Variants in ATP8B1 observed in about 807,000 individuals in gnomAD.
The protein encoded by ATP8B1 is phospholipid-transporting ATPase IC.
Under a neutral mutation model 149.9 loss-of-function variants are expected in ATP8B1, and 80 were observed. The observed-to-expected ratio is 0.53, with a 90% CI of 0.45 to 0.64. The LOEUF (loss-of-function observed/expected upper bound fraction) is 0.64, where lower values mean the gene tolerates loss of function less well. Among genes scored for constraint, ATP8B1 ranks in the 30% least tolerant of loss-of-function variants. The pLI, the probability that ATP8B1 is intolerant of heterozygous loss-of-function variation, is 0.00. For synonymous variants in ATP8B1, 536 were observed against 562.8 expected, an observed-to-expected ratio of 0.95 and a Z score of 0.67; for missense variants, 1,247 against 1,552.6, an observed-to-expected ratio of 0.80 and a Z score of 3.31.
intron 22 of ATP8B1, among the ~76,000 whole-genome samples, chr18:57,655,833 A>G (rs1057331908): frequency 6.6e-6 from 1 of 152,230 alleles, no homozygotes; most frequent in Non-Finnish European, 1.5e-5. Context: ...GGCTCCCCCA[A>G]CTTCATTCCA....
intron 16 of ATP8B1, among the ~76,000 whole-genome samples, chr18:57,671,820 CTA>C (rs1384798356): frequency 2.0e-5 from 3 of 151,846 alleles, no homozygotes; most frequent in Non-Finnish European, 4.4e-5. Context: ...GGAGGTCTCA[CTA>C]TGTTACCCAG....
intron 1 of ATP8B1, among the ~76,000 whole-genome samples, chr18:57,769,761 T>C (rs1280180581): frequency 6.6e-6 from 1 of 152,252 alleles, no homozygotes; most frequent in Non-Finnish European, 1.5e-5. Flanking sequence ...CAGCAAATAG[T>C]AGATCTGATC....
intron 2 of ATP8B1, 57 bp from the exon 3 acceptor site, chr18:57,706,644 T>G: frequency 2.2e-6 from 3 of 1,370,204 alleles, no homozygotes; most frequent in Non-Finnish European, 3.1e-6. Flanking sequence ...TGTTATGAGT[T>G]GAATTGTGTC....
chr18:57,737,560 T>TC (rs1333469451), intron 1 of ATP8B1, among the ~76,000 whole-genome samples: 1 of 40,460 alleles, frequency 2.5e-5, no homozygotes, highest in Admixed American at 4.4e-4. Flanking sequence ...GCTTTTTTTT[T>TC]CTTTCTTTTC....
chr18:57,725,602 T>C (rs1325137232), intron 2 of ATP8B1, among the ~76,000 whole-genome samples: 1 of 152,126 alleles, frequency 6.6e-6, no homozygotes, highest in Non-Finnish European at 1.5e-5. Flanking sequence ...AACAGAACTG[T>C]AGGAATCACA....
chr18:57,732,243 A>ATATG (rs2079786149), intron 1 of ATP8B1, among the ~76,000 whole-genome samples: 2 of 10,204 alleles, frequency 2.0e-4, no homozygotes, highest in African/African-American at 5.1e-4. Context: ...GTGTATATAT[A>ATATG]TGTATATATG....
chr18:57,695,441 G>C lies in ATP8B1; in HGVS notation c.781+9C>G, dbSNP rs768011784. 6.2e-7 allele frequency: 1 copy of C among 1,608,502 alleles called. No homozygotes were observed. On this transcript the variant is annotated intron_variant, in intron 9 of 27. Coordinates refer to ENST00000648908, the MANE Select transcript of ATP8B1 (RefSeq NM_001374385.1). ...ATTTAAAGCAAAGTAAGACATGTTT[G>C]GTACAAACCATCAAATGTAGCCAAT...
At position 57,691,896 on chromosome 18, in the gene ATP8B1, T is replaced by C. The variant is rs1194018304; in HGVS notation, c.1131A>G (p.Glu377=). The C allele has an allele frequency of 1.2e-6, 2 of 1,614,208 alleles. No individual in the cohort carries two copies. The highest frequency in any genetic ancestry group is 2.2e-5 in the South Asian group (2 of 91,078). Residue 377 remains glutamate, a synonymous_variant, in exon 12 of 28, where the codon GAA becomes GAG. Transcript: ENST00000648908. ...ATCCACGGTAGGAGGGTGTATCGTC[T>C]TCTCCATCATAGAGGTACCAAGAGG... ...GNSSWYLYDG[E]DDTPSYRGFL...
At chr18:57,794,886 G>A (rs977064729) in intron 1 of ATP8B1, among the ~76,000 whole-genome samples, 7 of 152,138 alleles carry the variant, frequency 4.6e-5, no homozygotes, top group Non-Finnish European at 1.0e-4. Context: ...GGCACGTGCT[G>A]CCTTCAGGTG....
intron 2 of ATP8B1, among the ~76,000 whole-genome samples, chr18:57,730,705 CTAAAATGTTTACTTGCTGGCCCTTTACA>C (rs2079754201): frequency 6.6e-6 from 1 of 152,136 alleles, no homozygotes; most frequent in African/African-American, 2.4e-5. Flanking sequence ...TCCACAAAGC[CTAAAATGTTTACTTGCTGGCCCTTTACA>C]GAAAAAGTTT....
chr18:57,760,712 C>T (rs12956603), intron 1 of ATP8B1, among the ~76,000 whole-genome samples: 121,599 of 152,170 alleles, frequency 0.8, 48,914 homozygotes, highest in South Asian at 0.88. Context: ...TGGAGTTGGC[C>T]GGGCGCAGTG....
At chr18:57,799,546 T>G (rs1444876897) in intron 1 of ATP8B1, among the ~76,000 whole-genome samples, 1 of 151,928 alleles carries the variant, frequency 6.6e-6, no homozygotes, top group African/African-American at 2.4e-5. Flanking sequence ...CCGTCTCTAC[T>G]AAAAATACAA....
intron 2 of ATP8B1, among the ~76,000 whole-genome samples, chr18:57,730,007 G>A (rs1384521275): frequency 3.3e-5 from 5 of 152,074 alleles, no homozygotes; most frequent in African/African-American, 7.2e-5. Flanking sequence ...GAAAGGTAGC[G>A]GACACACAAC....
At chr18:57,777,808 G>A (rs1283818270) in intron 1 of ATP8B1, among the ~76,000 whole-genome samples, 2 of 152,164 alleles carry the variant, frequency 1.3e-5, no homozygotes, top group African/African-American at 2.4e-5. Context: ...GGGCTCAAGC[G>A]ATCCTCCTAC....
chr18:57,745,728 C>G (rs2079958257), intron 1 of ATP8B1, among the ~76,000 whole-genome samples: 1 of 151,176 alleles, frequency 6.6e-6, no homozygotes, highest in Non-Finnish European at 1.5e-5. Context: ...ATGATCATGA[C>G]TCACTGCAGC....
At chr18:57,697,469 A>C (rs1315998530) in intron 8 of ATP8B1, 149 bp downstream of exon 8, 6 of 834,576 alleles carry the variant, frequency 7.2e-6, no homozygotes, top group Non-Finnish European at 1.2e-5. Context: ...CACTTCACAG[A>C]GGCGCAAAGG....
In ATP8B1 at chr18:57,720,484, G is replaced by T. The variant is rs1392130127; in HGVS notation, c.181+11143C>A. On this transcript the variant is annotated intron_variant, in intron 2 of 27. Transcript: ENST00000648908. ...CAGGAGCCGATGCGATCAACTGGAAGAAAGGGTATCAGCAATGGAAGATGA... is the reference window on the plus strand; with the variant it reads ...CAGGAGCCGATGCGATCAACTGGAATAAAGGGTATCAGCAATGGAAGATGA... Among the ~76,000 whole-genome samples, 4 of 101,654 alleles carry T rather than the reference G, an allele frequency of 3.9e-5. No individual in the cohort carries two copies. The East Asian group carries it at 1.0e-3, about 26-fold the overall frequency. The allele number at this position is 101,654 out of a possible 152,430, so 66.7% of individuals were successfully genotyped here.
At chr18:57,678,616 A>G in intron 15 of ATP8B1, among the ~76,000 whole-genome samples, 1 of 122,560 alleles carries the variant, frequency 8.2e-6, no homozygotes, top group African/African-American at 2.8e-5. Flanking sequence ...AAAAGAAAAG[A>G]GTGTGGTGTT....
intron 21 of ATP8B1, among the ~76,000 whole-genome samples, chr18:57,662,266 C>A (rs1910504831): frequency 6.6e-6 from 1 of 152,140 alleles, no homozygotes; most frequent in Admixed American, 6.6e-5. Flanking sequence ...TGAAAAAACC[C>A]ATTAATTAGT....
Sources: gnomAD v4.1 joint callset for allele counts (sites outside exome capture counted in the v4.1 genomes callset) on GRCh38, gnomAD v4.1.1 for gene constraint, MANE v1.5 for transcripts, NCBI Gene and HGNC (gene_info 2026-07-23, HGNC 2026-07-21) for gene names.